Variants in ZNF273 observed in about 807,000 individuals in gnomAD.
The protein encoded by ZNF273 is zinc finger protein 9.
In ZNF273, 11 loss-of-function variants were observed where a neutral mutation model predicts 14.9. The observed-to-expected ratio is 0.74, with a 90% CI of 0.46 to 1.22. ZNF273 has a LOEUF of 1.22. ZNF273 is among the 50% of genes most tolerant of loss of function. ZNF273 has a pLI of 0.00. For missense variants in ZNF273, 577 were observed against 660.6 expected (o/e 0.87, Z 1.39); for synonymous variants, 199 against 223.9 (o/e 0.89, Z 0.99).
chr7:64,879,085 G>C (rs1402484393), intron 2 of ZNF273, among the ~76,000 whole-genome samples: 1 of 152,224 alleles, frequency 6.6e-6, no homozygotes, highest in East Asian at 1.9e-4. Context: ...CCTTTTGCCT[G>C]GTAATCTAGG....
chr7:64,890,761 G>A (rs35238187), downstream of ZNF273, among the ~76,000 whole-genome samples: 64,793 of 152,080 alleles, frequency 0.43, 14,098 homozygotes, highest in African/African-American at 0.46. Context: ...GTTTGTATCA[G>A]TGTCCCCATT....
intron 1 of ZNF273, among the ~76,000 whole-genome samples, chr7:64,904,968 C>G (rs1393307732): frequency 6.6e-6 from 1 of 152,110 alleles, no homozygotes; most frequent in Non-Finnish European, 1.5e-5. Flanking sequence ...CCAAGATACC[C>G]ACAATCGCTA....
chr7:64,910,105 T>C (rs1423521593), intron 1 of ZNF273, among the ~76,000 whole-genome samples: 6 of 152,186 alleles, frequency 3.9e-5, no homozygotes, highest in Non-Finnish European at 7.3e-5. Context: ...TGCAGATATT[T>C]TCTATTGTTC....
intron 3 of ZNF273, chr7:64,897,227 G>C (rs1454490047): frequency 6.6e-6 from 1 of 152,220 alleles, no homozygotes; most frequent in East Asian, 1.9e-4. Context: ...CTTAATGTTG[G>C]TAGAGCTGAG....
chr7:64,919,414 G>A (rs577852351), intron 3 of ZNF273, among the ~76,000 whole-genome samples: 11 of 152,040 alleles, frequency 7.2e-5, no homozygotes, highest in Admixed American at 5.2e-4. Flanking sequence ...AGGCTGAGGC[G>A]GGTGGATCAC....
At chr7:64,922,920 G>A (rs528844518) in intron 3 of ZNF273, among the ~76,000 whole-genome samples, 116 of 151,988 alleles carry the variant, frequency 7.6e-4, no homozygotes, top group Non-Finnish European at 1.4e-3. Flanking sequence ...GAGCCAAGAT[G>A]GTGCTGCTGC....
chr7:64,895,308 A>AT (rs1792302919), intron 3 of ZNF273, among the ~76,000 whole-genome samples: 2 of 152,220 alleles, frequency 1.3e-5, no homozygotes, highest in African/African-American at 2.4e-5. Flanking sequence ...ATATTGATTG[A>AT]TGATGAGTAA....
At chr7:64,883,211 A>ACCCCCCCC (rs1234349552), downstream of ZNF273, among the ~76,000 whole-genome samples, 4 of 97,602 alleles carry the variant, frequency 4.1e-5, no homozygotes, top group South Asian at 3.8e-4. Context: ...AGCCCAAATC[A>ACCCCCCCC]CCACCCCCCC....
intron 3 of ZNF273, among the ~76,000 whole-genome samples, chr7:64,925,058 T>A (rs1794708847): frequency 6.6e-6 from 1 of 152,174 alleles, no homozygotes; most frequent in Non-Finnish European, 1.5e-5. Flanking sequence ...CGCCTCGGTC[T>A]CCCAAAGTGC....
At chr7:64,882,597 G>C (rs1459585506), downstream of ZNF273, 3 of 152,338 alleles carry the variant, frequency 2.0e-5, no homozygotes, top group Non-Finnish European at 2.9e-5. Flanking sequence ...TTAGCGGAGA[G>C]GGGGCGTCGG....
At chr7:64,916,228 C>T (rs1208834639) in intron 1 of ZNF273, among the ~76,000 whole-genome samples, 1 of 151,736 alleles carries the variant, frequency 6.6e-6, no homozygotes, top group East Asian at 1.9e-4. Flanking sequence ...TTGAAGACTA[C>T]TTAAAATTAC....
chr7:64,931,989 CTCT>C (rs1448583241), downstream of ZNF273, among the ~76,000 whole-genome samples: 5 of 152,060 alleles, frequency 3.3e-5, no homozygotes, highest in East Asian at 5.8e-4. Context: ...TGCATCACAG[CTCT>C]TCTTTTTCTG....
downstream of ZNF273, among the ~76,000 whole-genome samples, chr7:64,891,086 G>C (rs1792003510): frequency 6.6e-6 from 1 of 152,224 alleles, no homozygotes; most frequent in African/African-American, 2.4e-5. Context: ...ATGAGTCACA[G>C]GTGGGTGAGG....
At chr7:64,904,300 G>T (rs773223325) in intron 1 of ZNF273, among the ~76,000 whole-genome samples, 9 of 152,144 alleles carry the variant, frequency 5.9e-5, no homozygotes, top group Non-Finnish European at 1.0e-4. Context: ...GTGTTGCCCA[G>T]CCTGGTCTCG....
chr7:64,911,630 A>AATC (rs1793521067), intron 1 of ZNF273, among the ~76,000 whole-genome samples: 1 of 18,424 alleles, frequency 5.4e-5, no homozygotes, highest in Non-Finnish European at 2.5e-3. Flanking sequence ...TATTTATTTG[A>AATC]ATCGTCATTA....
chr7:64,895,659 G>T (rs373349519), intron 3 of ZNF273, among the ~76,000 whole-genome samples: 1 of 152,182 alleles, frequency 6.6e-6, no homozygotes, highest in South Asian at 2.1e-4. Flanking sequence ...GGCTCAACAA[G>T]AATTTAGACA....
downstream of ZNF273, among the ~76,000 whole-genome samples, chr7:64,884,632 C>T (rs1562947255): frequency 6.6e-6 from 1 of 152,170 alleles, no homozygotes. Flanking sequence ...GCCTCACAGT[C>T]TTCCACTGAC....
At chr7:64,935,730 G>A (rs893304549), downstream of ZNF273, among the ~76,000 whole-genome samples, 27 of 151,998 alleles carry the variant, frequency 1.8e-4, no homozygotes, top group Admixed American at 9.2e-4. Flanking sequence ...CCATATTGAC[G>A]AGGCTGGTCT....
At chr7:64,890,292 A>G (rs1364999955), downstream of ZNF273, among the ~76,000 whole-genome samples, 2 of 151,296 alleles carry the variant, frequency 1.3e-5, no homozygotes, top group Admixed American at 1.3e-4. Flanking sequence ...AGTGAACAGC[A>G]GCATCCCTGC....
Sources: gnomAD v4.1 joint callset for allele counts (sites outside exome capture counted in the v4.1 genomes callset) on GRCh38, gnomAD v4.1.1 for gene constraint, MANE v1.5 for transcripts, NCBI Gene and HGNC (gene_info 2026-07-23, HGNC 2026-07-21) for gene names.